Variants in FRMD4A observed in about 807,000 individuals in gnomAD.
The protein encoded by FRMD4A is FERM domain containing 4A.
A neutral mutation model predicts 129.1 loss-of-function variants in FRMD4A; 29 were observed. That is an observed-to-expected ratio of 0.22 (90% CI 0.17 to 0.31). FRMD4A has a LOEUF of 0.31. FRMD4A is among the 10% of genes least tolerant of loss of function. The pLI is 1.00. For synonymous variants in FRMD4A, 634 were observed against 571.6 expected, an observed-to-expected ratio of 1.11 and a Z score of -1.56; for missense variants, 1,272 against 1,375.8, an observed-to-expected ratio of 0.92 and a Z score of 1.19.
intron 2 of FRMD4A, among the ~76,000 whole-genome samples, chr10:13,955,366 C>T (rs12761493): frequency 0.27 from 40,335 of 151,956 alleles, 5,646 homozygotes; most frequent in Non-Finnish European, 0.3. Context: ...CCTCAGCCTT[C>T]CAAAGTGTTG....
At chr10:14,246,533 A>G (rs1844245519) in intron 2 of FRMD4A, among the ~76,000 whole-genome samples, 1 of 152,230 alleles carries the variant, frequency 6.6e-6, no homozygotes, top group Non-Finnish European at 1.5e-5. Flanking sequence ...ATGTGGACGT[A>G]TATGCACACA....
chr10:14,112,740 G>A (rs557041546), intron 2 of FRMD4A, among the ~76,000 whole-genome samples: 28 of 152,210 alleles, frequency 1.8e-4, no homozygotes, highest in Non-Finnish European at 3.1e-4. Context: ...TGGCCAGGCC[G>A]GTCTTGAACT....
At chr10:13,958,642 A>G (rs1384061391) in intron 2 of FRMD4A, among the ~76,000 whole-genome samples, 2 of 133,350 alleles carry the variant, frequency 1.5e-5, no homozygotes, top group Middle Eastern at 5.4e-3. Flanking sequence ...CTGGAGTGCA[A>G]TGGCATGATC....
At chr10:13,991,512 CAATGGAGTGG>C (rs1173486915) in intron 2 of FRMD4A, among the ~76,000 whole-genome samples, 2 of 152,150 alleles carry the variant, frequency 1.3e-5, no homozygotes, top group African/African-American at 4.8e-5. Context: ...TCCCAGGACA[CAATGGAGTGG>C]AATGGAGTGG....
intron 2 of FRMD4A, among the ~76,000 whole-genome samples, chr10:14,042,379 G>A (rs1201111216): frequency 6.6e-6 from 1 of 152,124 alleles, no homozygotes; most frequent in African/African-American, 2.4e-5. Context: ...AGAATGTGAG[G>A]TCCCGCTCCA....
At chr10:13,758,529 C>T (rs1412901744) in intron 8 of FRMD4A, among the ~76,000 whole-genome samples, 1 of 152,224 alleles carries the variant, frequency 6.6e-6, no homozygotes, top group African/African-American at 2.4e-5. Flanking sequence ...AGGAAACCTG[C>T]ACAGGGTCTT....
intron 9 of FRMD4A, among the ~76,000 whole-genome samples, chr10:13,743,637 G>A (rs905499909): frequency 2.0e-5 from 3 of 152,114 alleles, no homozygotes; most frequent in African/African-American, 2.4e-5. Context: ...CTGGGTGGCC[G>A]ACAGCAGCAG....
intron 9 of FRMD4A, among the ~76,000 whole-genome samples, chr10:13,743,713 T>C (rs2091139225): frequency 1.3e-5 from 2 of 152,150 alleles, no homozygotes; most frequent in Non-Finnish European, 1.5e-5. Context: ...GAAGCCACAA[T>C]AATTGCCTTC....
intron 2 of FRMD4A, chr10:13,891,543 C>G (rs1317332952): frequency 2.1e-6 from 2 of 934,236 alleles, no homozygotes; most frequent in African/African-American, 3.6e-5. Flanking sequence ...TTTTCCCCGG[C>G]CCAGCGTGAA....
At position 14,139,122 on chromosome 10, in the gene FRMD4A, G is replaced by T. The variant is rs1442978991; in HGVS notation, c.45+190936C>A. ...TTTTGTAATCATTCTTGTTTGTATT[G>T]TTACTACATAAAAATAGCAGAAGCA... On this transcript the variant is annotated intron_variant, in intron 2 of 24. Coordinates refer to ENST00000357447, the MANE Select transcript of FRMD4A (RefSeq NM_018027.5). Among the ~76,000 whole-genome samples, 7 of 152,280 alleles carry T rather than the reference G, an allele frequency of 4.6e-5. No homozygotes were observed. The East Asian group carries it at 1.3e-3, about 29-fold the overall frequency.
intron 2 of FRMD4A, among the ~76,000 whole-genome samples, chr10:14,282,186 C>T (rs758895795): frequency 1.2e-4 from 19 of 152,176 alleles, no homozygotes; most frequent in Admixed American, 2.6e-4. Flanking sequence ...CACTGGGTCC[C>T]TCCCACAATG....
chr10:13,892,346 A>G (rs532559959), intron 2 of FRMD4A, among the ~76,000 whole-genome samples: 5 of 152,206 alleles, frequency 3.3e-5, no homozygotes, highest in Admixed American at 6.5e-5. Context: ...CAACTCTTCA[A>G]TGGAAGTTGC....
intron 3 of FRMD4A, among the ~76,000 whole-genome samples, chr10:13,847,796 A>G (rs367743921): frequency 6.6e-6 from 1 of 152,264 alleles, no homozygotes; most frequent in East Asian, 1.9e-4. Flanking sequence ...ACCTCTAGAC[A>G]GGAACTCCTA....
intron 17 of FRMD4A, chr10:13,668,107 G>C (rs2083209260): frequency 6.6e-6 from 1 of 152,262 alleles, no homozygotes; most frequent in Non-Finnish European, 1.5e-5. Context: ...AGCACTTTAA[G>C]CCTAAAGGGA....
intron 8 of FRMD4A, among the ~76,000 whole-genome samples, chr10:13,753,196 TTCC>T (rs2091708226): frequency 6.6e-6 from 1 of 152,236 alleles, no homozygotes; most frequent in African/African-American, 2.4e-5. Context: ...CTTTCCTTTC[TTCC>T]TCCTCCTTTT....
At chr10:14,198,708 C>T (rs1842543299) in intron 2 of FRMD4A, among the ~76,000 whole-genome samples, 1 of 152,124 alleles carries the variant, frequency 6.6e-6, no homozygotes. Context: ...TACTGATTAC[C>T]TTGAATTTGT....
At chr10:13,991,305 C>A (rs2095602415) in intron 2 of FRMD4A, among the ~76,000 whole-genome samples, 1 of 152,206 alleles carries the variant, frequency 6.6e-6, no homozygotes, top group African/African-American at 2.4e-5. Context: ...TCTTTTCCAG[C>A]CCTTATCCTT....
At chr10:13,719,123 A>G (rs7893484) in intron 12 of FRMD4A, among the ~76,000 whole-genome samples, 4,680 of 152,190 alleles carry the variant, frequency 0.031, 239 homozygotes, top group African/African-American at 0.1. Flanking sequence ...ACTCCATGCT[A>G]TTTCCACCAT....
At chr10:14,028,926 T>C (rs1351379717) in intron 2 of FRMD4A, among the ~76,000 whole-genome samples, 1 of 152,198 alleles carries the variant, frequency 6.6e-6, no homozygotes, top group Non-Finnish European at 1.5e-5. Context: ...ATTTCTTTGA[T>C]GGTGTAAATT....
Sources: gnomAD v4.1 joint callset for allele counts (sites outside exome capture counted in the v4.1 genomes callset) on GRCh38, gnomAD v4.1.1 for gene constraint, MANE v1.5 for transcripts, NCBI Gene and HGNC (gene_info 2026-07-23, HGNC 2026-07-21) for gene names.